Variants in CCSER1 observed in about 807,000 individuals in gnomAD.
CCSER1 encodes coiled-coil serine rich protein 1.
In CCSER1, 41 loss-of-function variants were observed where a neutral mutation model predicts 82.0. The observed-to-expected ratio is 0.50, with a 90% CI of 0.39 to 0.65. The LOEUF is 0.65. Among genes scored for constraint, CCSER1 ranks in the 30% least tolerant of loss-of-function variants. CCSER1 has a pLI of 0.00. For missense variants in CCSER1, 1,119 were observed against 1,064.2 expected (o/e 1.05, Z -0.72); for synonymous variants, 414 against 383.9 (o/e 1.08, Z -0.92).
intron 5 of CCSER1, among the ~76,000 whole-genome samples, chr4:90,552,441 A>G (rs1053572945): frequency 2.6e-5 from 4 of 152,274 alleles, no homozygotes; most frequent in East Asian, 1.9e-4. Context: ...AACAAGAACT[A>G]TGCTTTATAC....
At chr4:91,234,837 G>T (rs1383860894) in intron 10 of CCSER1, among the ~76,000 whole-genome samples, 1 of 151,982 alleles carries the variant, frequency 6.6e-6, no homozygotes, top group African/African-American at 2.4e-5. Flanking sequence ...ATGGTTTCTA[G>T]ACTTTTTAGC....
chr4:90,327,190 G>T (rs1390273171), intron 3 of CCSER1, among the ~76,000 whole-genome samples: 3 of 152,124 alleles, frequency 2.0e-5, no homozygotes, highest in Non-Finnish European at 4.4e-5. Flanking sequence ...CTTAACTCAG[G>T]CAGCAAGTGG....
intron 4 of CCSER1, among the ~76,000 whole-genome samples, chr4:90,444,021 A>AT (rs1461545736): frequency 9.2e-5 from 14 of 151,928 alleles, no homozygotes. Flanking sequence ...GAATTTGTGA[A>AT]TTTGTGTTTT....
intron 10 of CCSER1, among the ~76,000 whole-genome samples, chr4:91,197,369 A>G (rs767084975): frequency 2.6e-5 from 4 of 152,216 alleles, no homozygotes; most frequent in Non-Finnish European, 5.9e-5. Context: ...GCTTTACAGA[A>G]AGGCATTCTG....
intron 10 of CCSER1, among the ~76,000 whole-genome samples, chr4:91,594,148 A>G (rs1176946475): frequency 2.0e-5 from 3 of 151,974 alleles, no homozygotes; most frequent in Admixed American, 2.0e-4. Context: ...TGATTTTGAG[A>G]AAGATGTGGC....
intron 3 of CCSER1, among the ~76,000 whole-genome samples, chr4:90,356,901 G>C (rs1182913789): frequency 6.6e-6 from 1 of 151,830 alleles, no homozygotes; most frequent in Admixed American, 6.6e-5. Flanking sequence ...AAACTCAGGG[G>C]ATTTAAGAGG....
intron 4 of CCSER1, among the ~76,000 whole-genome samples, chr4:90,408,047 A>C (rs943284876): frequency 6.6e-6 from 1 of 152,188 alleles, no homozygotes; most frequent in Non-Finnish European, 1.5e-5. Context: ...CTAGCACAGC[A>C]GTCTAAGATC....
chr4:91,291,994 T>C (rs1743782148), intron 10 of CCSER1, among the ~76,000 whole-genome samples: 1 of 152,102 alleles, frequency 6.6e-6, no homozygotes, highest in African/African-American at 2.4e-5. Flanking sequence ...GGTTGTTTTC[T>C]TTAATATTTC....
At chr4:90,946,865 A>G (rs188742165) in intron 9 of CCSER1, among the ~76,000 whole-genome samples, 14 of 152,260 alleles carry the variant, frequency 9.2e-5, no homozygotes, top group Non-Finnish European at 1.5e-4. Flanking sequence ...AGAAACAACA[A>G]TTCCCAAATA....
intron 6 of CCSER1, among the ~76,000 whole-genome samples, chr4:90,698,984 C>T (rs901983077): frequency 6.6e-6 from 1 of 151,974 alleles, no homozygotes; most frequent in Non-Finnish European, 1.5e-5. Context: ...ACCTGTAGTC[C>T]CAGCTACTCA....
At chr4:91,094,044 T>C (rs192229977) in intron 10 of CCSER1, among the ~76,000 whole-genome samples, 1 of 152,354 alleles carries the variant, frequency 6.6e-6, no homozygotes, top group East Asian at 1.9e-4. Context: ...TGTCTGCAGA[T>C]CTGAGCTTTC....
intron 9 of CCSER1, among the ~76,000 whole-genome samples, chr4:91,028,995 G>A (rs1276544402): frequency 6.6e-6 from 1 of 152,032 alleles, no homozygotes; most frequent in Non-Finnish European, 1.5e-5. Context: ...GACAGTCGTA[G>A]TCGTACAGTA....
In CCSER1 at chr4:90,271,854, ATATATATATTTTTTTTTTTTTT is replaced by A. The variant is rs1313083208; in HGVS notation, c.-41-36388_-41-36367del. On this transcript the variant is annotated intron_variant, in intron 1 of 10. Coordinates refer to ENST00000509176, the MANE Select transcript of CCSER1 (RefSeq NM_001145065.2). ...TATATATATATATATATATATATAT[ATATATATATTTTTTTTTTTTTT>A]TTTTTTTTTTTTTTAAAAGGAGGTT... is the stretch of plus-strand genomic sequence containing the variant. Among the ~76,000 whole-genome samples the A allele has an allele frequency of 2.2e-3, 56 of 25,668 alleles. 2 individuals carry two copies. Among genetic ancestry groups the A allele is most frequent in the African/African-American group, 0.019 (55 of 2,932 alleles). 16.8% of individuals were successfully genotyped at this position (25,668 alleles called of 152,430 possible). A position where few individuals can be genotyped will look rare whatever the true frequency, so the allele number is the denominator to read the frequency against.
intron 1 of CCSER1, among the ~76,000 whole-genome samples, chr4:90,269,067 G>T (rs1043364170): frequency 1.3e-5 from 2 of 152,070 alleles, no homozygotes; most frequent in Non-Finnish European, 2.9e-5. Flanking sequence ...TAGAGCTAAA[G>T]AGAGAGGTAG....
intron 5 of CCSER1, among the ~76,000 whole-genome samples, chr4:90,616,229 A>T (rs1400943705): frequency 6.6e-6 from 1 of 152,202 alleles, no homozygotes; most frequent in East Asian, 1.9e-4. Context: ...TGCTTATTGC[A>T]GTGGCATGGA....
chr4:90,527,386 C>A lies in CCSER1; in HGVS notation c.1724+59032C>A, dbSNP rs149058521. ...TCATTAAGGAAATGCAAATTAAAACCACAATGAGATATCATCTCATGCCAG... is the reference window on the plus strand; with the variant it reads ...TCATTAAGGAAATGCAAATTAAAACAACAATGAGATATCATCTCATGCCAG... On this transcript the variant is annotated intron_variant, in intron 5 of 10. Transcript: ENST00000509176. Among the ~76,000 whole-genome samples, 30 of 152,128 alleles carry A rather than the reference C, an allele frequency of 2.0e-4. No individual in the cohort carries two copies. In the East Asian group the frequency reaches 3.5e-3, roughly 18 times the overall value.
chr4:91,200,473 G>C (rs1013362872), intron 10 of CCSER1, among the ~76,000 whole-genome samples: 11 of 152,028 alleles, frequency 7.2e-5, no homozygotes, highest in Non-Finnish European at 1.2e-4. Flanking sequence ...CTGACTTGTA[G>C]TGGGGGGCCA....
intron 5 of CCSER1, among the ~76,000 whole-genome samples, chr4:90,584,688 GCT>G (rs1781795362): frequency 6.6e-6 from 1 of 152,138 alleles, no homozygotes; most frequent in Admixed American, 6.6e-5. Context: ...GTAACACAGT[GCT>G]TACTAGCACA....
At chr4:91,266,275 A>G (rs945945008) in intron 10 of CCSER1, among the ~76,000 whole-genome samples, 6 of 151,496 alleles carry the variant, frequency 4.0e-5, no homozygotes, top group Non-Finnish European at 7.4e-5. Context: ...TTTTTGAGAC[A>G]GAGTCTCACT....
Sources: gnomAD v4.1 joint callset for allele counts (sites outside exome capture counted in the v4.1 genomes callset) on GRCh38, gnomAD v4.1.1 for gene constraint, MANE v1.5 for transcripts, NCBI Gene and HGNC (gene_info 2026-07-23, HGNC 2026-07-21) for gene names.